Variants in HS6ST3 observed in about 807,000 individuals in gnomAD.
HS6ST3 encodes the protein heparan sulfate 6-O-sulfotransferase 3.
Under a neutral mutation model 36.7 loss-of-function variants are expected in HS6ST3, and 12 were observed. That is an observed-to-expected ratio of 0.33 (90% confidence interval 0.21 to 0.53). The LOEUF is 0.53. Among genes scored for constraint, HS6ST3 ranks in the 20% least tolerant of loss-of-function variants. The pLI, the probability that HS6ST3 is intolerant of heterozygous loss-of-function variation, is 0.95. For missense variants in HS6ST3, 584 were observed against 640.9 expected (o/e 0.91, Z 0.96); for synonymous variants, 240 against 257.5 (o/e 0.93, Z 0.65).
At chr13:96,441,038 C>A (rs931677827) in intron 1 of HS6ST3, among the ~76,000 whole-genome samples, 1 of 152,030 alleles carries the variant, frequency 6.6e-6, no homozygotes, top group Non-Finnish European at 1.5e-5. Flanking sequence ...GGATTAGCAG[C>A]CTTATAAAAT....
intron 1 of HS6ST3, among the ~76,000 whole-genome samples, chr13:96,302,452 G>GT (rs2054888305): frequency 6.6e-6 from 1 of 152,006 alleles, no homozygotes; most frequent in Non-Finnish European, 1.5e-5. Flanking sequence ...GGATAAGTAG[G>GT]TATTCAAATA....
intron 1 of HS6ST3, among the ~76,000 whole-genome samples, chr13:96,215,696 ATGCTTATTGTAGAAGATTTAGAAAATAG>A: frequency 6.6e-6 from 1 of 151,164 alleles, no homozygotes; most frequent in South Asian, 2.1e-4. Flanking sequence ...AAAGTAATAT[ATGCTTATTGTAGAAGATTTAGAAAATAG>A]TGCAAGGTAG....
intron 1 of HS6ST3, among the ~76,000 whole-genome samples, chr13:96,504,279 C>T (rs919873585): frequency 5.9e-5 from 9 of 152,172 alleles, no homozygotes; most frequent in Admixed American, 2.6e-4. Flanking sequence ...GGCAGCCTGA[C>T]TCCAAACAGT....
chr13:96,405,714 G>A lies in HS6ST3; in HGVS notation c.707+314145G>A, dbSNP rs556585382. Among the ~76,000 whole-genome samples, 6 of 152,268 alleles carry A rather than the reference G, an allele frequency of 3.9e-5. No homozygotes were observed. The South Asian group carries it at 1.2e-3, about 32-fold the overall frequency. Reference sequence around the variant, plus strand: ...ATAGCATAGCAGAGCAAGAATCTTTGGAATGATTGTTTTCCTTGGTGCAAA... The same window carrying A: ...ATAGCATAGCAGAGCAAGAATCTTTAGAATGATTGTTTTCCTTGGTGCAAA... On this transcript the variant is annotated intron_variant, in intron 1 of 1. Coordinates refer to ENST00000376705, the MANE Select transcript of HS6ST3 (RefSeq NM_153456.4).
chr13:96,131,330 T>G (rs1045968932), intron 1 of HS6ST3, among the ~76,000 whole-genome samples: 9 of 152,152 alleles, frequency 5.9e-5, no homozygotes, highest in African/African-American at 2.2e-4. Flanking sequence ...TTAGTCTACT[T>G]AAGGCTTAGG....
At chr13:96,222,913 T>G (rs2054462892) in intron 1 of HS6ST3, among the ~76,000 whole-genome samples, 1 of 152,210 alleles carries the variant, frequency 6.6e-6, no homozygotes, top group South Asian at 2.1e-4. Context: ...TATATATGTT[T>G]CAGTGGGGTT....
intron 1 of HS6ST3, among the ~76,000 whole-genome samples, chr13:96,229,068 C>T (rs2054494948): frequency 6.6e-6 from 1 of 152,088 alleles, no homozygotes; most frequent in Non-Finnish European, 1.5e-5. Flanking sequence ...GCCAAAATGT[C>T]CCCCATTTCA....
At chr13:96,720,061 G>T (rs1488846747) in intron 1 of HS6ST3, among the ~76,000 whole-genome samples, 1 of 152,038 alleles carries the variant, frequency 6.6e-6, no homozygotes, top group African/African-American at 2.4e-5. Context: ...TCTCATCTTT[G>T]TTTCCCCACT....
chr13:96,759,930 A>G (rs1023111547), intron 1 of HS6ST3, among the ~76,000 whole-genome samples: 4 of 151,996 alleles, frequency 2.6e-5, no homozygotes, highest in Non-Finnish European at 5.9e-5. Context: ...CTATTATTAG[A>G]GCCCCAAGCA....
intron 1 of HS6ST3, among the ~76,000 whole-genome samples, chr13:96,538,455 T>C (rs1372065656): frequency 6.6e-6 from 1 of 152,250 alleles, no homozygotes; most frequent in African/African-American, 2.4e-5. Flanking sequence ...TTTATTTATT[T>C]ATTTTTGAGA....
chr13:96,613,061 C>T (rs192659731), intron 1 of HS6ST3, among the ~76,000 whole-genome samples: 3 of 152,276 alleles, frequency 2.0e-5, no homozygotes, highest in Non-Finnish European at 2.9e-5. Context: ...ATCAGAGAGA[C>T]CACCTTAAGT....
intron 1 of HS6ST3, among the ~76,000 whole-genome samples, chr13:96,339,933 G>A (rs966987530): frequency 6.6e-5 from 10 of 152,216 alleles, no homozygotes; most frequent in African/African-American, 2.4e-4. Context: ...GGGTTGGCAA[G>A]TTTGCTGATG....
intron 1 of HS6ST3, among the ~76,000 whole-genome samples, chr13:96,459,486 T>C (rs2055771932): frequency 6.6e-6 from 1 of 152,008 alleles, no homozygotes; most frequent in South Asian, 2.1e-4. Context: ...TATGGAAAAA[T>C]ACTGAGAATT....
chr13:96,361,352 C>A (rs1325346373), intron 1 of HS6ST3, among the ~76,000 whole-genome samples: 3 of 152,090 alleles, frequency 2.0e-5, no homozygotes, highest in African/African-American at 7.2e-5. Flanking sequence ...TTTTAAATGA[C>A]TTTCTTTATT....
intron 1 of HS6ST3, among the ~76,000 whole-genome samples, chr13:96,244,549 A>G (rs1001797122): frequency 2.0e-5 from 3 of 152,200 alleles, no homozygotes; most frequent in Admixed American, 1.3e-4. Flanking sequence ...GATGAATCAG[A>G]AATGCTTAAT....
intron 1 of HS6ST3, among the ~76,000 whole-genome samples, chr13:96,797,166 A>C (rs972734861): frequency 2.6e-5 from 4 of 152,070 alleles, no homozygotes; most frequent in Admixed American, 6.6e-5. Flanking sequence ...GTTCCCAGAC[A>C]AGGATGCACA....
intron 1 of HS6ST3, among the ~76,000 whole-genome samples, chr13:96,136,524 A>G (rs1283094089): frequency 1.3e-5 from 2 of 151,958 alleles, no homozygotes; most frequent in Admixed American, 1.3e-4. Flanking sequence ...GGTTGGAGGG[A>G]TGGTGTTAAA....
chr13:96,276,808 C>CTCTTATGGTAAACCTAA (rs2054750747), intron 1 of HS6ST3, among the ~76,000 whole-genome samples: 1 of 152,164 alleles, frequency 6.6e-6, no homozygotes, highest in South Asian at 2.1e-4. Context: ...TCCATGCCCA[C>CTCTTATGGTAAACCTAA]AGATTCTGGC....
intron 1 of HS6ST3, among the ~76,000 whole-genome samples, chr13:96,265,026 G>A (rs1389961803): frequency 6.6e-6 from 1 of 151,938 alleles, no homozygotes; most frequent in Non-Finnish European, 1.5e-5. Context: ...AGGAAATTGG[G>A]GTCTTAGAGT....
Sources: allele counts gnomAD v4.1 joint callset (sites outside exome capture counted in the v4.1 genomes callset), GRCh38; gene constraint gnomAD v4.1.1; transcripts MANE v1.5; gene names NCBI Gene and HGNC (gene_info 2026-07-23, HGNC 2026-07-21).